Variants in GALNT3 observed in about 807,000 individuals in gnomAD.
GALNT3 encodes polypeptide N-acetylgalactosaminyltransferase 3.
Under a neutral mutation model 69.8 loss-of-function variants are expected in GALNT3, and 51 were observed. The observed-to-expected ratio is 0.73, with a 90% CI of 0.58 to 0.92. GALNT3 has a LOEUF of 0.92. GALNT3 is among the 40% of genes least tolerant of loss of function. The probability of loss-of-function intolerance (pLI) is 0.00; values close to 1 mark genes in which losing one functional copy is unlikely to be tolerated. For synonymous variants in GALNT3, 265 were observed against 248.5 expected, an observed-to-expected ratio of 1.07 and a Z score of -0.63; for missense variants, 711 against 760.0, an observed-to-expected ratio of 0.94 and a Z score of 0.76.
chr2:165,758,993 A>C lies in GALNT3; in HGVS notation c.1074-129T>G, dbSNP rs1688494938. 5.5e-6 allele frequency: 4 copies of C among 728,780 alleles called. No individual in the cohort carries two copies. The East Asian group carries it at 1.0e-4, about 19-fold the overall frequency. 45.1% of individuals were successfully genotyped at this position (728,780 alleles called of 1,614,324 possible). A position where few individuals can be genotyped will look rare whatever the true frequency, so the allele number is the denominator to read the frequency against. On this transcript the variant is annotated intron_variant, in intron 5 of 10. Transcript: ENST00000392701. ...AAAGCTTTTATTCAGATTAATAAAA[A>C]CTAGAAATGCTATCTTCAAAGTCAA...
chr2:165,788,466 GGT>G (rs148293638), intron 1 of GALNT3, among the ~76,000 whole-genome samples: 8,335 of 139,466 alleles, frequency 0.06, 280 homozygotes, highest in African/African-American at 0.097. Flanking sequence ...AATCCAAAAG[GGT>G]GTGTGTGTGT....
At chr2:165,751,981 T>C (rs2105400415) in intron 9 of GALNT3, among the ~76,000 whole-genome samples, 1 of 152,164 alleles carries the variant, frequency 6.6e-6, no homozygotes, top group East Asian at 1.9e-4. Context: ...AGCTGAAGTT[T>C]CTATTTAGTA....
chr2:165,759,342 G>T lies in GALNT3; in HGVS notation c.1067C>A (p.Pro356Gln). The T allele has an allele frequency of 6.2e-7, 1 of 1,611,148 alleles. No individual in the cohort carries two copies. Among genetic ancestry groups the T allele is most frequent in the Non-Finnish European group, 8.5e-7 (1 of 1,177,736 alleles). ...CTGAGAGCAATCATCTTACTTAATT[G>T]GGTAGGTTTCATCTTTCCTTCTTTG... ...EKQRRKDETY[P>Q]IKTPTFAGGL... Residue 356 changes from proline to glutamine, a missense_variant, in exon 5 of 11, where the codon CCA (proline) becomes CAA (glutamine). Pro to Gln is a moderately conservative substitution (Grantham distance 76). Coordinates refer to ENST00000392701, the MANE Select transcript of GALNT3 (RefSeq NM_004482.4).
Position 165,761,791 on chromosome 2 carries a change from C to G in GALNT3, c.838+114G>C, listed in dbSNP as rs138707955. ...CATTGCTATAATCGCCAGTTGAAAACGCTGTTAAAGAAAATGCAATTAGGC... is the reference window on the plus strand; with the variant it reads ...CATTGCTATAATCGCCAGTTGAAAAGGCTGTTAAAGAAAATGCAATTAGGC... On this transcript the variant is annotated intron_variant, in intron 4 of 10. Transcript: ENST00000392701. 8.1e-3 allele frequency: 9,442 copies of G among 1,159,436 alleles called. 77 individuals are homozygous for G. The highest frequency in any genetic ancestry group is 8.5e-3 in the Non-Finnish European group (6,503 of 766,856). The allele number at this position is 1,159,436 out of a possible 1,614,324, so 71.8% of individuals were successfully genotyped here.
chr2:165,768,354 TC>T (rs1688685208), intron 2 of GALNT3, among the ~76,000 whole-genome samples: 1 of 152,182 alleles, frequency 6.6e-6, no homozygotes, highest in African/African-American at 2.4e-5. Flanking sequence ...GATTGTCATG[TC>T]AAAAGAATAA....
chr2:165,748,937 C>T, intron 10 of GALNT3, 34 bp from the exon 11 acceptor site: 1 of 1,590,012 alleles, frequency 6.3e-7, no homozygotes, highest in Non-Finnish European at 8.6e-7. Flanking sequence ...CATTAAATTC[C>T]AAGACTCATA....
At chr2:165,787,003 T>G (rs1683236707) in intron 1 of GALNT3, among the ~76,000 whole-genome samples, 2 of 152,196 alleles carry the variant, frequency 1.3e-5, no homozygotes, top group Non-Finnish European at 2.9e-5. Context: ...TAAAATCTAT[T>G]TTTAAAAATA....
intron 1 of GALNT3, among the ~76,000 whole-genome samples, chr2:165,774,567 T>C (rs938532703): frequency 6.6e-6 from 1 of 152,162 alleles, no homozygotes; most frequent in Non-Finnish European, 1.5e-5. Flanking sequence ...ATCCTATCAT[T>C]GTGAGTGCAT....
chr2:165,767,433 CA>C (rs1688663395), intron 2 of GALNT3, among the ~76,000 whole-genome samples: 2 of 151,998 alleles, frequency 1.3e-5, no homozygotes, highest in East Asian at 3.8e-4. Flanking sequence ...TAAAATTTCA[CA>C]AAAATTCATA....
chr2:165,751,212 T>C (rs1209733476), intron 9 of GALNT3, among the ~76,000 whole-genome samples: 1 of 152,222 alleles, frequency 6.6e-6, no homozygotes, highest in Non-Finnish European at 1.5e-5. Flanking sequence ...GGAGCACTAA[T>C]ATTTGTTAAG....
chr2:165,786,358 T>C (rs1294033319), intron 1 of GALNT3, among the ~76,000 whole-genome samples: 1 of 152,182 alleles, frequency 6.6e-6, no homozygotes, highest in African/African-American at 2.4e-5. Flanking sequence ...AATAACCCTA[T>C]TTTACTTTAT....
intron 2 of GALNT3, among the ~76,000 whole-genome samples, chr2:165,766,423 A>G (rs1219421659): frequency 6.6e-6 from 1 of 152,156 alleles, no homozygotes; most frequent in African/African-American, 2.4e-5. Flanking sequence ...TCAATGAAAA[A>G]TATCTTCATA....
intron 6 of GALNT3, among the ~76,000 whole-genome samples, chr2:165,758,027 TG>T (rs958971044): frequency 6.6e-5 from 10 of 152,186 alleles, no homozygotes; most frequent in African/African-American, 2.4e-4. Flanking sequence ...CTCAGTGATA[TG>T]TTCAATTCAA....
At chr2:165,778,748 C>T (rs561771259) in intron 1 of GALNT3, among the ~76,000 whole-genome samples, 59 of 152,264 alleles carry the variant, frequency 3.9e-4, no homozygotes, top group African/African-American at 1.4e-3. Flanking sequence ...GGGACAGAAC[C>T]CTAGAACTAG....
chr2:165,779,701 A>C (rs747792696), intron 1 of GALNT3, among the ~76,000 whole-genome samples: 19 of 152,192 alleles, frequency 1.2e-4, no homozygotes, highest in Non-Finnish European at 2.1e-4. Flanking sequence ...AAAAACCTAG[A>C]TATAAGAGGC....
chr2:165,765,768 G>A (rs1243451221), intron 2 of GALNT3, among the ~76,000 whole-genome samples: 1 of 152,020 alleles, frequency 6.6e-6, no homozygotes, highest in Non-Finnish European at 1.5e-5. Context: ...GATTACACAC[G>A]TGTGCCACTG....
chr2:165,750,053 G>A (rs1309229977), intron 9 of GALNT3, among the ~76,000 whole-genome samples, 159 bp from the exon 10 acceptor site: 1 of 152,090 alleles, frequency 6.6e-6, no homozygotes, highest in African/African-American at 2.4e-5. Flanking sequence ...GAGTTTTTGT[G>A]ATAGACGATA....
At chr2:165,765,718 G>A (rs530082535) in intron 2 of GALNT3, among the ~76,000 whole-genome samples, 1 of 152,078 alleles carries the variant, frequency 6.6e-6, no homozygotes, top group African/African-American at 2.4e-5. Flanking sequence ...TCGATCACCT[G>A]ACCTTGTGAT....
intron 1 of GALNT3, among the ~76,000 whole-genome samples, chr2:165,782,237 A>G (rs1220383337): frequency 1.3e-5 from 2 of 152,124 alleles, no homozygotes; most frequent in Non-Finnish European, 2.9e-5. Flanking sequence ...CCTTCTACTC[A>G]GCTCTCCTAT....
Sources: gnomAD v4.1 joint callset for allele counts (sites outside exome capture counted in the v4.1 genomes callset) on GRCh38, gnomAD v4.1.1 for gene constraint, MANE v1.5 for transcripts, NCBI Gene and HGNC (gene_info 2026-07-23, HGNC 2026-07-21) for gene names.